KLRD1: variants seen among roughly 807,000 people sequenced by gnomAD.
KLRD1 encodes killer cell lectin like receptor D1, also known as natural killer cells antigen CD94.
In KLRD1, 21 loss-of-function variants were observed where a neutral mutation model predicts 22.6. The ratio of observed to expected loss-of-function variants is 0.93; its 90% confidence interval spans 0.66 to 1.34. KLRD1 has a LOEUF of 1.34. Ranked by LOEUF, KLRD1 falls within the 40% of genes most tolerant of loss-of-function variation. The probability of loss-of-function intolerance (pLI) is 0.00; values close to 1 mark genes in which losing one functional copy is unlikely to be tolerated. For missense variants in KLRD1, 183 were observed against 208.6 expected, an observed-to-expected ratio of 0.88 and a Z score of 0.76; for synonymous variants, 59 against 71.1, an observed-to-expected ratio of 0.83 and a Z score of 0.85.
upstream of KLRD1, among the ~76,000 whole-genome samples, chr12:10,305,929 G>A (rs1009792537): frequency 6.6e-6 from 1 of 152,084 alleles, no homozygotes; most frequent in Non-Finnish European, 1.5e-5. Flanking sequence ...TTGGGAGGCC[G>A]AGGCGGGCGG....
Position 10,322,355 on chromosome 12 carries a change from G to C in KLRD1, c.*7562G>C, listed in dbSNP as rs1423876137. ...AGCCATTGTGTCTGGCCAAATAGAGGACATTTTAGAGCCCAATAGTAAGCT... is the reference window on the plus strand; with the variant it reads ...AGCCATTGTGTCTGGCCAAATAGAGCACATTTTAGAGCCCAATAGTAAGCT... On this transcript the variant is annotated 3_prime_UTR_variant, in exon 6 of 6. Coordinates refer to ENST00000336164, the MANE Select transcript of KLRD1 (RefSeq NM_002262.5). The C allele has an allele frequency of 2.6e-5, 4 of 152,174 alleles. No homozygotes were observed. The highest frequency in any genetic ancestry group is 5.9e-5 in the Non-Finnish European group (4 of 68,040). 9.4% of individuals were successfully genotyped at this position (152,174 alleles called of 1,614,324 possible).
upstream of KLRD1, among the ~76,000 whole-genome samples, chr12:10,303,925 T>A (rs1454631649): frequency 1.3e-5 from 2 of 152,114 alleles, no homozygotes; most frequent in Non-Finnish European, 2.9e-5. Flanking sequence ...TTCCTAGATA[T>A]AAGAGAGGGG....
intron 1 of KLRD1, among the ~76,000 whole-genome samples, chr12:10,283,992 A>G (rs1400281060): frequency 6.8e-6 from 1 of 146,274 alleles, no homozygotes; most frequent in Admixed American, 7.1e-5. Context: ...CCTGGCCAAC[A>G]TGGTGAAATC....
intron 1 of KLRD1, among the ~76,000 whole-genome samples, chr12:10,255,296 G>T (rs1040031165): frequency 2.0e-5 from 3 of 152,130 alleles, no homozygotes; most frequent in African/African-American, 7.2e-5. Context: ...TCTTTTCTAA[G>T]GTCCAACTTT....
At chr12:10,313,908 A>C (rs1950159294) in intron 5 of KLRD1, among the ~76,000 whole-genome samples, 1 of 152,140 alleles carries the variant, frequency 6.6e-6, no homozygotes, top group Non-Finnish European at 1.5e-5. Context: ...TCTTAGTTCA[A>C]ATTAAACATT....
chr12:10,243,607 C>CAAAAAAAAAAAAAAAAAA (rs34864670), intron 1 of KLRD1, among the ~76,000 whole-genome samples: 2 of 28,806 alleles, frequency 6.9e-5, no homozygotes, highest in Non-Finnish European at 1.0e-4. Flanking sequence ...AGTGAGACTC[C>CAAAAAAAAAAAAAAAAAA]AAAAAAAAAA....
intron 1 of KLRD1, among the ~76,000 whole-genome samples, chr12:10,259,222 ATTC>A (rs941276477): frequency 2.0e-5 from 3 of 152,160 alleles, no homozygotes; most frequent in African/African-American, 7.2e-5. Context: ...CTAATATGCA[ATTC>A]TTCTTATTGG....
At chr12:10,265,302 C>G (rs909658764) in intron 1 of KLRD1, among the ~76,000 whole-genome samples, 1 of 152,078 alleles carries the variant, frequency 6.6e-6, no homozygotes, top group Admixed American at 6.6e-5. Context: ...AGACTCCTTC[C>G]TTTTGTTTTG....
rs976337169 is a variant in KLRD1, at chr12:10,322,427, C to T, written c.*7634C>T. 116 of 152,072 alleles carry T rather than the reference C, an allele frequency of 7.6e-4. No homozygotes were observed. The highest frequency in any genetic ancestry group is 2.6e-3 in the African/African-American group (109 of 41,500). The allele number at this position is 152,072 out of a possible 1,614,324, so 9.4% of individuals were successfully genotyped here. A position where few individuals can be genotyped will look rare whatever the true frequency, so the allele number is the denominator to read the frequency against. On this transcript the variant is annotated 3_prime_UTR_variant, in exon 6 of 6. Transcript: ENST00000336164. ...AGGTTCTATTGTTATAACCCTTATA[C>T]AATAAAAAACAACTCTTCTGCCAGA... is the stretch of plus-strand genomic sequence containing the variant.
intron 1 of KLRD1, among the ~76,000 whole-genome samples, chr12:10,247,965 A>G (rs1949308048): frequency 6.6e-6 from 1 of 152,176 alleles, no homozygotes; most frequent in Non-Finnish European, 1.5e-5. Flanking sequence ...AGTACGGACT[A>G]ATACATATTG....
intron 1 of KLRD1, among the ~76,000 whole-genome samples, chr12:10,259,960 C>A (rs1949436098): frequency 1.3e-5 from 2 of 151,984 alleles, no homozygotes. Flanking sequence ...AGTGAGACTC[C>A]ATCAAAACAA....
intron 1 of KLRD1, among the ~76,000 whole-genome samples, chr12:10,243,956 G>T (rs1164892219): frequency 6.6e-6 from 1 of 152,154 alleles, no homozygotes; most frequent in African/African-American, 2.4e-5. Context: ...CCTCACACGA[G>T]AGCTTCAGAT....
At chr12:10,308,279 G>A in intron 1 of KLRD1, 195 bp downstream of exon 1, 1 of 579,218 alleles carries the variant, frequency 1.7e-6, no homozygotes, top group Non-Finnish European at 3.1e-6. Flanking sequence ...ATGATTTCAT[G>A]AAGTTTTTTC....
upstream of KLRD1, among the ~76,000 whole-genome samples, chr12:10,306,061 C>T (rs1230951738): frequency 3.3e-5 from 5 of 151,810 alleles, no homozygotes; most frequent in East Asian, 3.9e-4. Context: ...CCCAGCTACT[C>T]GGTAGGCCGA....
intron 1 of KLRD1, among the ~76,000 whole-genome samples, chr12:10,267,259 A>C (rs1279802920): frequency 6.6e-6 from 1 of 152,186 alleles, no homozygotes; most frequent in Non-Finnish European, 1.5e-5. Context: ...AATTTAGAAC[A>C]GTATTATCAT....
chr12:10,305,715 A>G (rs1444166740), upstream of KLRD1, among the ~76,000 whole-genome samples: 1 of 152,230 alleles, frequency 6.6e-6, no homozygotes, highest in Non-Finnish European at 1.5e-5. Context: ...AAAAGAACCC[A>G]TAGATACAGC....
At chr12:10,266,548 G>A (rs181687238) in intron 1 of KLRD1, among the ~76,000 whole-genome samples, 107 of 151,346 alleles carry the variant, frequency 7.1e-4, no homozygotes, top group African/African-American at 2.6e-3. Context: ...TTTTTTTCCT[G>A]GTCTGTTATT....
At chr12:10,285,745 T>A (rs189343673) in intron 1 of KLRD1, among the ~76,000 whole-genome samples, 1 of 152,278 alleles carries the variant, frequency 6.6e-6, no homozygotes, top group Admixed American at 6.5e-5. Flanking sequence ...TGCTTTATGA[T>A]TCTTATGTTA....
At chr12:10,283,753 A>T (rs1163308993) in intron 1 of KLRD1, among the ~76,000 whole-genome samples, 1 of 152,110 alleles carries the variant, frequency 6.6e-6, no homozygotes, top group Non-Finnish European at 1.5e-5. Flanking sequence ...GCACCCCAAG[A>T]AACAAGCAGA....
Sources: allele counts gnomAD v4.1 joint callset (sites outside exome capture counted in the v4.1 genomes callset), GRCh38; gene constraint gnomAD v4.1.1; transcripts MANE v1.5; gene names NCBI Gene and HGNC (gene_info 2026-07-23, HGNC 2026-07-21).